Variants in INTS7 observed in about 807,000 individuals in gnomAD.
The protein encoded by INTS7 is chromosome 1 open reading frame 73.
INTS7 carries 46 observed loss-of-function variants against 109.2 expected under a neutral mutation model. The ratio of observed to expected loss-of-function variants is 0.42; its 90% CI spans 0.33 to 0.54. The LOEUF (loss-of-function observed/expected upper bound fraction) is 0.54, where lower values mean the gene tolerates loss of function less well. Ranked by LOEUF, INTS7 falls within the 20% of genes least tolerant of loss-of-function variation. INTS7 has a pLI of 0.07. For synonymous variants in INTS7, 412 were observed against 402.9 expected (o/e 1.02, Z -0.27); for missense variants, 929 against 1,132.4 (o/e 0.82, Z 2.58).
chr1:211,975,953 CA>C (rs1343842555), intron 12 of INTS7, among the ~76,000 whole-genome samples: 2 of 13,488 alleles, frequency 1.5e-4, no homozygotes, highest in South Asian at 6.9e-3. Flanking sequence ...GACTTATCCC[CA>C]AGGTTTTTTT....
intron 8 of INTS7, among the ~76,000 whole-genome samples, chr1:211,987,508 C>T (rs1664944118): frequency 6.6e-6 from 1 of 152,088 alleles, no homozygotes; most frequent in Admixed American, 6.5e-5. Flanking sequence ...TAAAAGGAAG[C>T]ATATGACATT....
At chr1:212,013,484 T>A (rs1666256004) in intron 4 of INTS7, among the ~76,000 whole-genome samples, 2 of 152,226 alleles carry the variant, frequency 1.3e-5, no homozygotes, top group Admixed American at 6.5e-5. Context: ...AAGGTAAGGT[T>A]AATTTATTGT....
At chr1:212,034,074 CTCTG>C (rs1667301314) in intron 1 of INTS7, among the ~76,000 whole-genome samples, 1 of 151,614 alleles carries the variant, frequency 6.6e-6, no homozygotes, top group Non-Finnish European at 1.5e-5. Flanking sequence ...CAGAGCAACA[CTCTG>C]TCTCCAAAAA....
chr1:211,944,146 A>T (rs1383552797), intron 19 of INTS7, among the ~76,000 whole-genome samples: 1 of 152,114 alleles, frequency 6.6e-6, no homozygotes, highest in Admixed American at 6.6e-5. Flanking sequence ...TTAATGATAA[A>T]ATTTACTTAA....
At chr1:212,000,113 A>AAAAG (rs751303729) in intron 7 of INTS7, among the ~76,000 whole-genome samples, 1 of 152,212 alleles carries the variant, frequency 6.6e-6, no homozygotes, top group South Asian at 2.1e-4. Context: ...TCAAAGAAAA[A>AAAAG]AAAGAAAGAA....
chr1:212,012,488 C>G (rs1377215472), intron 4 of INTS7, among the ~76,000 whole-genome samples: 4 of 152,134 alleles, frequency 2.6e-5, no homozygotes. Context: ...GCCACAGTAG[C>G]TCACACCTGT....
At chr1:211,943,941 G>A (rs1269211527) in intron 19 of INTS7, among the ~76,000 whole-genome samples, 1 of 152,170 alleles carries the variant, frequency 6.6e-6, no homozygotes, top group African/African-American at 2.4e-5. Flanking sequence ...CTAAAGCAAG[G>A]AACATTCTTT....
intron 17 of INTS7, among the ~76,000 whole-genome samples, chr1:211,948,035 C>T (rs184179979): frequency 6.5e-4 from 99 of 152,320 alleles, no homozygotes; most frequent in African/African-American, 2.3e-3. Context: ...TAATATTTTT[C>T]CCACCAGCCT....
At chr1:212,035,299 T>C (rs762879783) in intron 1 of INTS7, 45 bp downstream of exon 1, 3 of 1,309,998 alleles carry the variant, frequency 2.3e-6, no homozygotes, top group Non-Finnish European at 3.3e-6. Flanking sequence ...TGGCGCCACT[T>C]CCCCCCACGC....
At chr1:212,006,600 A>G (rs1383326608) in intron 7 of INTS7, 39 bp downstream of exon 7, 1 of 1,052,542 alleles carries the variant, frequency 9.5e-7, no homozygotes, top group East Asian at 2.9e-5. Flanking sequence ...ATAATGTTAT[A>G]TTATTTTTTC....
intron 16 of INTS7, among the ~76,000 whole-genome samples, chr1:211,961,690 A>G (rs1252219089): frequency 2.0e-5 from 3 of 152,118 alleles, no homozygotes; most frequent in African/African-American, 7.2e-5. Context: ...CGGCCTCCCA[A>G]AGTGCTAGGA....
At chr1:211,968,839 A>G (rs976876089) in intron 13 of INTS7, 132 bp from the exon 14 acceptor site, 1 of 582,770 alleles carries the variant, frequency 1.7e-6, no homozygotes, top group African/African-American at 1.8e-5. Flanking sequence ...AAAGACCTAA[A>G]TGATAAAAAG....
At chr1:212,004,433 A>C (rs527820203) in intron 7 of INTS7, among the ~76,000 whole-genome samples, 1 of 152,316 alleles carries the variant, frequency 6.6e-6, no homozygotes, top group South Asian at 2.1e-4. Flanking sequence ...AAAGATGGTA[A>C]ACAACCTATC....
Position 212,032,483 on chromosome 1 carries a change from C to CT in INTS7, c.94+2860dup, listed in dbSNP as rs922965045. Among the ~76,000 whole-genome samples, 357 of 145,600 alleles carry CT rather than the reference C, an allele frequency of 2.5e-3. 2 individuals carry two copies. The highest frequency in any genetic ancestry group is 5.6e-3 in the South Asian group (26 of 4,620). ...CCTGAACGGGACTCTGGTTATCTTT[C>CT]TTTTTTTTTTTTCGAGACAGTCTTG... On this transcript the variant is annotated intron_variant, in intron 1 of 19. Coordinates refer to ENST00000366994, the MANE Select transcript of INTS7 (RefSeq NM_015434.4).
At chr1:211,950,363 C>G (rs1663032563) in intron 17 of INTS7, among the ~76,000 whole-genome samples, 1 of 152,150 alleles carries the variant, frequency 6.6e-6, no homozygotes, top group African/African-American at 2.4e-5. Flanking sequence ...CCTCCGCCTC[C>G]CGGGTTCAAG....
chr1:211,949,208 T>C (rs1571839458), intron 17 of INTS7, among the ~76,000 whole-genome samples: 1 of 152,326 alleles, frequency 6.6e-6, no homozygotes, highest in East Asian at 1.9e-4. Context: ...CTCCTTGTTG[T>C]CTTCTCTTCT....
At position 211,944,208 on chromosome 1, in the gene INTS7, G is replaced by A. The variant is rs560022701; in HGVS notation, c.2601+576C>T. Among the ~76,000 whole-genome samples the A allele has an allele frequency of 3.9e-5, 6 of 151,996 alleles. No homozygotes were observed. In the East Asian group the frequency reaches 1.2e-3, roughly 29 times the overall value. ...TTTTTTGTGGGGAGGGATTGGGTGG[G>A]TTAGGGAGACACTTATTTTCCAACT... On this transcript the variant is annotated intron_variant, in intron 19 of 19. Transcript: ENST00000366994.
At position 211,941,883 on chromosome 1, in the gene INTS7, G is replaced by A; in HGVS notation, c.2830C>T (p.Gln944Ter). The change falls in exon 20 of 20, where the codon CAG becomes TAG. Residue 944 changes from glutamine (Q) to a stop codon, truncating the protein, a stop_gained. Coordinates refer to ENST00000366994, the MANE Select transcript of INTS7 (RefSeq NM_015434.4). LOFTEE classifies it high-confidence loss of function. Reference protein sequence around the residue: ...PYSQQIRLQQQQAQQPLQQQQ... With the variant: ...PYSQQIRLQQ ...TGCTGTAATGGCTGCTGGGCTTGCT[G>A]CTGTTGTAAGCGAATTTGCTGGGAA... is the stretch of plus-strand genomic sequence containing the variant. 1 of 1,614,216 alleles carries A rather than the reference G, an allele frequency of 6.2e-7. No homozygotes were observed.
At chr1:212,000,761 A>C (rs1299397778) in intron 7 of INTS7, among the ~76,000 whole-genome samples, 3 of 151,982 alleles carry the variant, frequency 2.0e-5, no homozygotes, top group Non-Finnish European at 4.4e-5. Flanking sequence ...AACAAAACCC[A>C]AAAAAAATCC....
Sources: allele counts gnomAD v4.1 joint callset (sites outside exome capture counted in the v4.1 genomes callset), GRCh38; gene constraint gnomAD v4.1.1; transcripts MANE v1.5; gene names NCBI Gene and HGNC (gene_info 2026-07-23, HGNC 2026-07-21).